PLCB4: variants seen among roughly 807,000 people sequenced by gnomAD.
PLCB4 encodes phospholipase C beta 4, also known as 1-phosphatidylinositol 4,5-bisphosphate phosphodiesterase beta-4.
In PLCB4, 77 loss-of-function variants were observed where a neutral mutation model predicts 178.8. The ratio of observed to expected loss-of-function variants is 0.43; its 90% CI spans 0.36 to 0.52. The LOEUF (loss-of-function observed/expected upper bound fraction) is 0.52, where lower values mean the gene tolerates loss of function less well. Among genes scored for constraint, PLCB4 ranks in the 20% least tolerant of loss-of-function variants. The pLI is 0.00. For synonymous variants in PLCB4, 496 were observed against 490.8 expected, an observed-to-expected ratio of 1.01 and a Z score of -0.14; for missense variants, 1,024 against 1,453.4, an observed-to-expected ratio of 0.70 and a Z score of 4.80.
chr20:9,167,265 A>G (rs1208675848), intron 2 of PLCB4, among the ~76,000 whole-genome samples: 1 of 152,056 alleles, frequency 6.6e-6, no homozygotes, highest in Admixed American at 6.5e-5. Flanking sequence ...AATGAGGTCT[A>G]TTAAAAAAAA....
At chr20:9,100,619 C>T (rs73609410) in intron 2 of PLCB4, among the ~76,000 whole-genome samples, 3,342 of 152,172 alleles carry the variant, frequency 0.022, 114 homozygotes, top group African/African-American at 0.074. Context: ...AATGGAGCAA[C>T]TCCATTTTTT....
At chr20:9,253,256 G>A (rs546026421) in intron 3 of PLCB4, among the ~76,000 whole-genome samples, 1 of 152,138 alleles carries the variant, frequency 6.6e-6, no homozygotes, top group Admixed American at 6.5e-5. Context: ...CAGAGCAAGG[G>A]ATCCGACTAG....
chr20:9,083,816 G>A (rs1401362321), intron 1 of PLCB4, among the ~76,000 whole-genome samples: 1 of 152,228 alleles, frequency 6.6e-6, no homozygotes, highest in Non-Finnish European at 1.5e-5. Context: ...CAGTCGTCAA[G>A]CCAAAGAGAG....
At chr20:9,413,532 A>G (rs3787308) in intron 25 of PLCB4, among the ~76,000 whole-genome samples, 22,207 of 151,524 alleles carry the variant, frequency 0.15, 2,678 homozygotes, top group African/African-American at 0.31. Context: ...GGTGGCGGGC[A>G]CCTGTAGTCC....
chr20:9,200,665 G>A (rs2093532261), intron 2 of PLCB4, among the ~76,000 whole-genome samples: 1 of 151,894 alleles, frequency 6.6e-6, no homozygotes. Flanking sequence ...AGCTACGTTG[G>A]TCTCTTCACC....
chr20:9,075,736 C>T (rs1246429361), intron 1 of PLCB4, among the ~76,000 whole-genome samples: 3 of 152,218 alleles, frequency 2.0e-5, no homozygotes, highest in African/African-American at 7.2e-5. Context: ...GGCCTAGGGC[C>T]CAGGATTACC....
chr20:9,451,519 A>G (rs1264709889), intron 32 of PLCB4, among the ~76,000 whole-genome samples: 1 of 152,206 alleles, frequency 6.6e-6, no homozygotes, highest in Non-Finnish European at 1.5e-5. Context: ...TAAATCTTAG[A>G]AAGAAGACTA....
intron 30 of PLCB4, among the ~76,000 whole-genome samples, chr20:9,443,236 G>T (rs1244803426): frequency 1.3e-5 from 2 of 152,184 alleles, no homozygotes; most frequent in Non-Finnish European, 2.9e-5. Flanking sequence ...TGCTAAGATT[G>T]AATTTGGTAA....
intron 25 of PLCB4, among the ~76,000 whole-genome samples, 161 bp downstream of exon 25, chr20:9,411,249 C>T (rs531399814): frequency 5.9e-5 from 9 of 152,292 alleles, no homozygotes; most frequent in East Asian, 3.9e-4. Flanking sequence ...TGCACATATA[C>T]ATTCTTCATC....
Position 9,372,512 on chromosome 20 carries a change from A to C in PLCB4, c.686+109A>C, listed in dbSNP as rs2036339789. 3 of 561,924 alleles carry C rather than the reference A, an allele frequency of 5.3e-6. No individual in the cohort carries two copies. In the East Asian group the frequency reaches 9.3e-5, roughly 17 times the overall value. The allele number at this position is 561,924 out of a possible 1,614,324, so 34.8% of individuals were successfully genotyped here. A position where few individuals can be genotyped will look rare whatever the true frequency, so the allele number is the denominator to read the frequency against. ...TAGAGTATGTTGGTAGCATCTAGGA[A>C]TATCTAGTCAGGGTTACATTTTTAA... On this transcript the variant is annotated intron_variant, in intron 11 of 39. Transcript: ENST00000378473.
chr20:9,268,943 A>G (rs2094376118), intron 3 of PLCB4, among the ~76,000 whole-genome samples: 1 of 152,164 alleles, frequency 6.6e-6, no homozygotes, highest in African/African-American at 2.4e-5. Flanking sequence ...CCTTGTCATC[A>G]CCTACCTTGC....
rs188971526 is a variant in PLCB4 at position 9,310,555 on chromosome 20, A to T, written c.84+2657A>T. ...GAAACCCCATTTCTACTAAAAATATAAAAAAAAATAGCCAGGTGTGGTGGC... is the reference window on the plus strand; with the variant it reads ...GAAACCCCATTTCTACTAAAAATATTAAAAAAAATAGCCAGGTGTGGTGGC... On this transcript the variant is annotated intron_variant, in intron 4 of 39. Coordinates refer to ENST00000378473, the MANE Select transcript of PLCB4 (RefSeq NM_001377142.1). 2.6e-3 allele frequency among the ~76,000 whole-genome samples: 338 copies of T among 127,998 alleles called. 2 individuals are homozygous for T. The highest frequency in any genetic ancestry group is 0.01 in the African/African-American group (309 of 30,180). 84.0% of individuals were successfully genotyped at this position (127,998 alleles called of 152,430 possible).
chr20:9,269,243 T>A (rs1031416994), intron 3 of PLCB4, among the ~76,000 whole-genome samples: 5 of 152,312 alleles, frequency 3.3e-5, no homozygotes, highest in African/African-American at 1.2e-4. Context: ...GGTTTTATGT[T>A]CTGTCTTCAT....
At chr20:9,325,594 C>G (rs2030371727) in intron 4 of PLCB4, among the ~76,000 whole-genome samples, 3 of 152,144 alleles carry the variant, frequency 2.0e-5, no homozygotes, top group Admixed American at 2.0e-4. Flanking sequence ...CTAGACAGAT[C>G]CGGAGTGTTC....
chr20:9,165,235 C>A lies in PLCB4; in HGVS notation c.-78-52155C>A, dbSNP rs1049080841. 1.3e-5 allele frequency among the ~76,000 whole-genome samples: 2 copies of A among 152,186 alleles called. 1 individual carries two copies. The highest frequency in any genetic ancestry group is 6.3e-3 in the Middle Eastern group (2 of 316). On this transcript the variant is annotated intron_variant, in intron 2 of 39. Transcript: ENST00000378473. Reference sequence around the variant, plus strand: ...GTTTCTTATATGTTCTAGTGTAATGCAAAGCATATACTAAATATCCACTAA... The same window carrying A: ...GTTTCTTATATGTTCTAGTGTAATGAAAAGCATATACTAAATATCCACTAA...
chr20:9,099,502 A>G (rs1459669152), intron 2 of PLCB4, among the ~76,000 whole-genome samples: 2 of 152,168 alleles, frequency 1.3e-5, no homozygotes, highest in African/African-American at 4.8e-5. Flanking sequence ...TGAGTTCATC[A>G]TTTACACCAG....
intron 3 of PLCB4, among the ~76,000 whole-genome samples, chr20:9,247,915 TA>T (rs1569015113): frequency 6.6e-6 from 1 of 152,166 alleles, no homozygotes; most frequent in Non-Finnish European, 1.5e-5. Context: ...TTTTATTTCT[TA>T]AAAAACATTT....
chr20:9,284,746 G>A (rs2094522800), intron 3 of PLCB4, among the ~76,000 whole-genome samples: 1 of 151,840 alleles, frequency 6.6e-6, no homozygotes, highest in African/African-American at 2.4e-5. Flanking sequence ...GAGATAAATA[G>A]ACTATATAGT....
At chr20:9,148,479 A>G (rs1600718616) in intron 2 of PLCB4, among the ~76,000 whole-genome samples, 1 of 152,152 alleles carries the variant, frequency 6.6e-6, no homozygotes, top group Non-Finnish European at 1.5e-5. Context: ...CTGTGGCTGG[A>G]GATCCTTGGT....
Sources: allele counts gnomAD v4.1 joint callset (sites outside exome capture counted in the v4.1 genomes callset), GRCh38; gene constraint gnomAD v4.1.1; transcripts MANE v1.5; gene names NCBI Gene and HGNC (gene_info 2026-07-23, HGNC 2026-07-21).